Variants in PEX13 observed in about 807,000 individuals in gnomAD.
PEX13 encodes peroxisome biogenesis factor 13.
PEX13 carries 28 observed loss-of-function variants against 34.5 expected under a neutral mutation model. That is an observed-to-expected ratio of 0.81 (90% confidence interval 0.60 to 1.11). The LOEUF is 1.11. Ranked by LOEUF, PEX13 falls within the 50% of genes most tolerant of loss-of-function variation. The pLI is 0.00. For synonymous variants in PEX13, 177 were observed against 175.1 expected, an observed-to-expected ratio of 1.01 and a Z score of -0.09; for missense variants, 550 against 491.0, an observed-to-expected ratio of 1.12 and a Z score of -1.13.
At chr2:61,037,564 A>G (rs1417436169) in intron 2 of PEX13, among the ~76,000 whole-genome samples, 1 of 152,232 alleles carries the variant, frequency 6.6e-6, no homozygotes, top group Non-Finnish European at 1.5e-5. Context: ...CTTTCAAACC[A>G]AGGAAAACAA....
intron 1 of PEX13, chr2:61,018,272 C>T (rs767750682): frequency 9.7e-6 from 15 of 1,550,876 alleles, no homozygotes; most frequent in Admixed American, 2.0e-5. Flanking sequence ...AGGTGTTAAC[C>T]TCTCGAGAAG....
chr2:61,028,105 A>G (rs1680390889), intron 1 of PEX13, among the ~76,000 whole-genome samples: 1 of 152,248 alleles, frequency 6.6e-6, no homozygotes, highest in Non-Finnish European at 1.5e-5. Flanking sequence ...CTGTCATCCC[A>G]TAGATTATAT....
rs1002699754 is a variant in PEX13, at chr2:61,017,813, G to T, written c.54G>T (p.Pro18=). 15 of 1,550,448 alleles carry T rather than the reference G, an allele frequency of 9.7e-6. No homozygotes were observed. Among genetic ancestry groups the T allele is most frequent in the Admixed American group, 3.9e-5 (2 of 50,972 alleles). The change falls in exon 1 of 4, where the codon CCG becomes CCT. Residue 18 remains proline (P), a synonymous_variant. Transcript: ENST00000295030. ...AACCCTGGGAGACCCGCCGAATTCC[G>T]GGAGCCGGACCGGGACCAGGACCGG... ...PPKPWETRRI[P]GAGPGPGPGP...
intron 3 of PEX13, 42 bp from the exon 4 acceptor site, chr2:61,048,430 A>C (rs376553459): frequency 6.4e-7 from 1 of 1,553,006 alleles, no homozygotes; most frequent in East Asian, 2.2e-5. Flanking sequence ...TTGGACCTCC[A>C]AAGTATATTG....
chr2:61,036,513 T>C (rs543039557), intron 2 of PEX13, among the ~76,000 whole-genome samples: 1 of 152,298 alleles, frequency 6.6e-6, no homozygotes, highest in South Asian at 2.1e-4. Context: ...GAATCTCATA[T>C]CCAGCCAAAC....
intron 1 of PEX13, among the ~76,000 whole-genome samples, chr2:61,021,003 T>A (rs904133813): frequency 6.6e-6 from 1 of 152,210 alleles, no homozygotes; most frequent in Non-Finnish European, 1.5e-5. Flanking sequence ...ATTTTATGAA[T>A]GGCTTTTCTG....
intron 2 of PEX13, among the ~76,000 whole-genome samples, chr2:61,040,766 T>A (rs1011773758): frequency 6.8e-6 from 1 of 148,070 alleles, no homozygotes; most frequent in Non-Finnish European, 1.5e-5. Context: ...TATATACATA[T>A]ATATATATAC....
intron 2 of PEX13, among the ~76,000 whole-genome samples, chr2:61,037,881 G>A (rs919970230): frequency 6.6e-6 from 1 of 152,046 alleles, no homozygotes; most frequent in Non-Finnish European, 1.5e-5. Flanking sequence ...AAAGAAAAGA[G>A]AGAAGAATCA....
chr2:61,044,708 G>A (rs1222738948), intron 2 of PEX13, among the ~76,000 whole-genome samples: 1 of 152,142 alleles, frequency 6.6e-6, no homozygotes, highest in Non-Finnish European at 1.5e-5. Flanking sequence ...TAATTCAAAC[G>A]GAAACCACAA....
intron 1 of PEX13, among the ~76,000 whole-genome samples, chr2:61,028,847 G>C (rs193079701): frequency 3.7e-4 from 57 of 152,078 alleles, no homozygotes; most frequent in Non-Finnish European, 3.4e-4. Flanking sequence ...AATTTTTAAA[G>C]ATATTTTTGA....
intron 2 of PEX13, among the ~76,000 whole-genome samples, chr2:61,032,706 A>T (rs1680472246): frequency 6.6e-6 from 1 of 152,220 alleles, no homozygotes; most frequent in South Asian, 2.1e-4. Context: ...TCTCTCAACT[A>T]GTAGAGAGTA....
At chr2:61,048,072 A>G (rs1376494742) in intron 3 of PEX13, among the ~76,000 whole-genome samples, 1 of 152,212 alleles carries the variant, frequency 6.6e-6, no homozygotes, top group African/African-American at 2.4e-5. Flanking sequence ...TGAGTGCATT[A>G]AAGGTATATC....
intron 1 of PEX13, 53 bp downstream of exon 1, chr2:61,017,904 G>C: frequency 6.6e-7 from 1 of 1,510,742 alleles, no homozygotes; most frequent in Non-Finnish European, 9.0e-7. Context: ...GCGGGGACTT[G>C]GCAGGAGGCG....
Position 61,045,759 on chromosome 2 carries a change from A to G in PEX13, c.821A>G (p.His274Arg). The G allele has an allele frequency of 6.2e-7, 1 of 1,613,292 alleles. No homozygotes were observed. Among genetic ancestry groups the G allele is most frequent in the South Asian group, 1.1e-5 (1 of 91,062 alleles). ...SINWASGEDD[H>R]VVARAEYDFA... ...AACTGGGCAAGTGGTGAGGATGACCATGTAGTTGCCAGAGCAGAATATGAT... is the reference window on the plus strand; with the variant it reads ...AACTGGGCAAGTGGTGAGGATGACCGTGTAGTTGCCAGAGCAGAATATGAT... Residue 274 changes from histidine (H) to arginine (R), a missense_variant, in exon 3 of 4, where the codon CAT becomes CGT. Coordinates refer to ENST00000295030, the MANE Select transcript of PEX13 (RefSeq NM_002618.4).
chr2:61,049,173 A>G lies in PEX13; in HGVS notation c.*403A>G. 1 of 176,494 alleles carries G rather than the reference A, an allele frequency of 5.7e-6. No homozygotes were observed. The highest frequency in any genetic ancestry group is 1.2e-5 in the Non-Finnish European group (1 of 82,320). The allele number at this position is 176,494 out of a possible 1,614,324, so 10.9% of individuals were successfully genotyped here. Reference sequence around the variant, plus strand: ...CTTAGAAATGGAGTGGTGACATGTCAGTATGAGAACAGGCAAAAGGTAAAT... The same window carrying G: ...CTTAGAAATGGAGTGGTGACATGTCGGTATGAGAACAGGCAAAAGGTAAAT... On this transcript the variant is annotated 3_prime_UTR_variant, in exon 4 of 4. Coordinates refer to ENST00000295030, the MANE Select transcript of PEX13 (RefSeq NM_002618.4).
Position 61,050,380 on chromosome 2 carries a change from C to CAAACAAACAA in PEX13, c.*1614_*1623dup, listed in dbSNP as rs1266942528. ...GACAGAGCAAGACTCTGTCTCAAAA[C>CAAACAAACAA]AAACAAACAAAAAATAATAATACGA... On this transcript the variant is annotated 3_prime_UTR_variant, in exon 4 of 4. Coordinates refer to ENST00000295030, the MANE Select transcript of PEX13 (RefSeq NM_002618.4). The CAAACAAACAA allele has an allele frequency of 1.3e-5, 2 of 152,006 alleles. No homozygotes were observed. Among genetic ancestry groups the CAAACAAACAA allele is most frequent in the Admixed American group, 1.3e-4 (2 of 15,250 alleles). The allele number at this position is 152,006 out of a possible 1,614,324, so 9.4% of individuals were successfully genotyped here.
chr2:61,032,199 A>G lies in PEX13; in HGVS notation c.787+86A>G. On this transcript the variant is annotated intron_variant, in intron 2 of 3. Transcript: ENST00000295030. ...AGATTTGTTAGTTTTCTTTATATTG[A>G]TTTGTATTTACTGTTTCCAGTTATA... 3 of 975,970 alleles carry G rather than the reference A, an allele frequency of 3.1e-6. No homozygotes were observed. In the Admixed American group the frequency reaches 6.4e-5, roughly 21 times the overall value. 60.5% of individuals were successfully genotyped at this position (975,970 alleles called of 1,614,324 possible). A position where few individuals can be genotyped will look rare whatever the true frequency, so the allele number is the denominator to read the frequency against.
Position 61,045,834 on chromosome 2 carries a change from T to G in PEX13, c.896T>G (p.Leu299Arg). 1.9e-6 allele frequency: 3 copies of G among 1,612,758 alleles called. No homozygotes were observed. The highest frequency in any genetic ancestry group is 2.5e-6 in the Non-Finnish European group (3 of 1,178,754). ...EEISFRAGDM[L>R]NLALKEQQPK... The stretch of plus-strand genomic sequence containing the variant: ...ATTTCTTTCCGGGCTGGTGATATGC[T>G]GAACTTAGCTCTCAAAGGTAATAAA... The change falls in exon 3 of 4, where the codon CTG (leucine) becomes CGG (arginine). Residue 299 changes from leucine to arginine, a missense_variant. By Grantham distance (102) the Leu-to-Arg change is moderately radical. Coordinates refer to ENST00000295030, the MANE Select transcript of PEX13 (RefSeq NM_002618.4).
chr2:61,034,000 G>GT (rs1203527771), intron 2 of PEX13, among the ~76,000 whole-genome samples: 3 of 151,428 alleles, frequency 2.0e-5, no homozygotes, highest in South Asian at 4.2e-4. Flanking sequence ...TTTTTGTTTT[G>GT]TTTTTTTTCT....
Sources: allele counts gnomAD v4.1 joint callset (sites outside exome capture counted in the v4.1 genomes callset), GRCh38; gene constraint gnomAD v4.1.1; transcripts MANE v1.5; gene names NCBI Gene and HGNC (gene_info 2026-07-23, HGNC 2026-07-21).